ADK: variants seen among roughly 807,000 people sequenced by gnomAD.
ADK encodes adenosine kinase, also known as N6,N6-dimethyladenosine kinase.
A neutral mutation model predicts 44.7 loss-of-function variants in ADK; 24 were observed. The ratio of observed to expected loss-of-function variants is 0.54; its 90% CI spans 0.39 to 0.76. The LOEUF (loss-of-function observed/expected upper bound fraction) is 0.76. ADK is among the 30% of genes least tolerant of loss of function. The pLI, the probability that ADK is intolerant of heterozygous loss-of-function variation, is 0.00. For missense variants in ADK, 321 were observed against 425.1 expected (o/e 0.76, Z 2.15); for synonymous variants, 128 against 142.6 (o/e 0.90, Z 0.73).
intron 9 of ADK, among the ~76,000 whole-genome samples, chr10:74,619,058 G>A (rs1010510584): frequency 1.4e-5 from 2 of 138,462 alleles, no homozygotes; most frequent in African/African-American, 2.7e-5. Context: ...GTGTGTGTGT[G>A]TTTTACCCCT....
chr10:74,456,524 G>A (rs1418611566), intron 6 of ADK, among the ~76,000 whole-genome samples: 1 of 151,770 alleles, frequency 6.6e-6, no homozygotes, highest in Non-Finnish European at 1.5e-5. Context: ...AAAATTAGCC[G>A]GGCGTGATGG....
At chr10:74,560,478 A>G (rs1315600508) in intron 7 of ADK, among the ~76,000 whole-genome samples, 1 of 152,216 alleles carries the variant, frequency 6.6e-6, no homozygotes, top group Non-Finnish European at 1.5e-5. Context: ...ATTTGCAACA[A>G]TGATGCTTTA....
intron 7 of ADK, among the ~76,000 whole-genome samples, chr10:74,581,566 A>C (rs1376130802): frequency 6.6e-6 from 1 of 152,194 alleles, no homozygotes; most frequent in African/African-American, 2.4e-5. Flanking sequence ...CAAATCCAAA[A>C]AGCTCAACAA....
chr10:74,532,886 C>A (rs1023337686), intron 7 of ADK, among the ~76,000 whole-genome samples: 1 of 136,798 alleles, frequency 7.3e-6, no homozygotes, highest in African/African-American at 2.8e-5. Context: ...TGCCACTGCA[C>A]TCCAGTCTGG....
At chr10:74,243,114 A>G (rs912506781) in intron 3 of ADK, among the ~76,000 whole-genome samples, 1 of 152,258 alleles carries the variant, frequency 6.6e-6, no homozygotes, top group African/African-American at 2.4e-5. Context: ...TAAGGGACCA[A>G]CTGAGCTGTT....
Position 74,435,536 on chromosome 10 carries a change from C to T in ADK, c.555+36957C>T, listed in dbSNP as rs11813815. Among the ~76,000 whole-genome samples, 568 of 152,064 alleles carry T rather than the reference C, an allele frequency of 3.7e-3. 7 individuals carry two copies. The highest frequency in any genetic ancestry group is 0.013 in the African/African-American group (530 of 41,490). On this transcript the variant is annotated intron_variant, in intron 6 of 10. Coordinates refer to ENST00000539909, the MANE Select transcript of ADK (RefSeq NM_006721.4). ...ACTTGAAGAAAAAATGGCAAAAAAC[C>T]GCCCAAATTTATTGAAAAACATTTG... is the stretch of plus-strand genomic sequence containing the variant.
chr10:74,525,510 A>G, intron 7 of ADK, 84 bp downstream of exon 7: 1 of 1,247,806 alleles, frequency 8.0e-7, no homozygotes, highest in Non-Finnish European at 1.1e-6. Context: ...TTAGAAATAT[A>G]TAAATTAAAT....
intron 6 of ADK, 127 bp downstream of exon 6, chr10:74,398,706 T>C (rs909488740): frequency 5.6e-6 from 3 of 535,380 alleles, no homozygotes; most frequent in African/African-American, 3.8e-5. Flanking sequence ...TCTCAAAGCA[T>C]ATGTTAGATT....
chr10:74,681,849 CA>C (rs34381749), intron 10 of ADK, among the ~76,000 whole-genome samples: 42,755 of 93,118 alleles, frequency 0.46, 8,148 homozygotes, highest in Non-Finnish European at 0.56. Context: ...GACTCCATCT[CA>C]AAAAAAAAAA....
At chr10:74,164,852 CT>C (rs1475356594) in intron 1 of ADK, among the ~76,000 whole-genome samples, 2 of 152,134 alleles carry the variant, frequency 1.3e-5, no homozygotes, top group African/African-American at 4.8e-5. Context: ...AACTCGATTC[CT>C]GAGAAGACGT....
intron 10 of ADK, among the ~76,000 whole-genome samples, chr10:74,695,184 T>C (rs1856131741): frequency 6.6e-6 from 1 of 152,194 alleles, no homozygotes; most frequent in Admixed American, 6.5e-5. Context: ...GTCTCTCCTA[T>C]CATTTTTACT....
intron 9 of ADK, among the ~76,000 whole-genome samples, chr10:74,640,789 C>T (rs904666318): frequency 3.3e-5 from 5 of 152,110 alleles, no homozygotes; most frequent in Admixed American, 1.3e-4. Context: ...CAGATTTGGC[C>T]CACAGGCCAT....
In ADK at chr10:74,569,702, A is replaced by T. The variant is rs1850859168; in HGVS notation, c.727-19580A>T. 2.0e-5 allele frequency among the ~76,000 whole-genome samples: 3 copies of T among 151,926 alleles called. No individual in the cohort carries two copies. In the South Asian group the frequency reaches 6.2e-4, roughly 32 times the overall value. On this transcript the variant is annotated intron_variant, in intron 7 of 10. Transcript: ENST00000539909. ...TTTGTCAGATGAGCAGATTGCAAAAATTTTCTCCTATTCTGTAGGTTGCCT... is the reference window on the plus strand; with the variant it reads ...TTTGTCAGATGAGCAGATTGCAAAATTTTTCTCCTATTCTGTAGGTTGCCT...
intron 3 of ADK, among the ~76,000 whole-genome samples, chr10:74,302,114 T>G (rs1332483250): frequency 3.8e-4 from 16 of 42,090 alleles, no homozygotes; most frequent in East Asian, 1.1e-3. Context: ...TGTTTGTTTT[T>G]TTTTTTTTTT....
At chr10:74,435,300 A>G (rs1845144218) in intron 6 of ADK, among the ~76,000 whole-genome samples, 1 of 152,188 alleles carries the variant, frequency 6.6e-6, no homozygotes, top group African/African-American at 2.4e-5. Context: ...TTTTTAAATT[A>G]GATATTATGT....
At chr10:74,222,793 T>G (rs1022792763) in intron 2 of ADK, among the ~76,000 whole-genome samples, 2 of 140,506 alleles carry the variant, frequency 1.4e-5, no homozygotes, top group Non-Finnish European at 3.0e-5. Context: ...TTCTCACTCA[T>G]AGGTGGGAAT....
chr10:74,297,774 T>C (rs187603762), intron 3 of ADK, among the ~76,000 whole-genome samples: 2 of 152,338 alleles, frequency 1.3e-5, no homozygotes, highest in Admixed American at 6.5e-5. Context: ...AATTAAAGTT[T>C]ATTAGAAGAC....
At chr10:74,505,242 T>A (rs1848022858) in intron 6 of ADK, among the ~76,000 whole-genome samples, 1 of 152,192 alleles carries the variant, frequency 6.6e-6, no homozygotes, top group Admixed American at 6.5e-5. Flanking sequence ...CCTTCCACCT[T>A]TTGCTTTTGG....
intron 8 of ADK, among the ~76,000 whole-genome samples, chr10:74,589,521 G>A (rs1365385881): frequency 6.6e-6 from 1 of 152,020 alleles, no homozygotes; most frequent in Non-Finnish European, 1.5e-5. Context: ...ACCCAACATC[G>A]CCTACAGATG....
Sources: allele counts gnomAD v4.1 joint callset (sites outside exome capture counted in the v4.1 genomes callset), GRCh38; gene constraint gnomAD v4.1.1; transcripts MANE v1.5; gene names NCBI Gene and HGNC (gene_info 2026-07-23, HGNC 2026-07-21).